The following SFSWAP variants were observed in gnomAD, a reference collection of about 807,000 sequenced individuals.
SFSWAP encodes splicing factor, suppressor of white-apricot homolog.
In SFSWAP, 17 loss-of-function variants were observed where a neutral mutation model predicts 100.7. The ratio of observed to expected loss-of-function variants is 0.17; its 90% confidence interval spans 0.12 to 0.25. The LOEUF (loss-of-function observed/expected upper bound fraction) is 0.25. SFSWAP is among the 10% of genes least tolerant of loss of function. The probability of loss-of-function intolerance (pLI) is 1.00; values close to 1 mark genes in which losing one functional copy is unlikely to be tolerated. For synonymous variants in SFSWAP, 504 were observed against 510.1 expected (o/e 0.99, Z 0.16); for missense variants, 1,005 against 1,262.6 (o/e 0.80, Z 3.09).
chr12:131,758,343 G>A (rs759564113), intron 11 of SFSWAP, among the ~76,000 whole-genome samples: 55 of 152,042 alleles, frequency 3.6e-4, no homozygotes, highest in African/African-American at 3.6e-4. Context: ...GAAGTTTACC[G>A]TCTACATCCA....
intron 17 of SFSWAP, 114 bp downstream of exon 17, chr12:131,799,223 T>C (rs1402173381): frequency 9.6e-7 from 1 of 1,046,498 alleles, no homozygotes; most frequent in East Asian, 2.5e-5. Context: ...GACAGGGATC[T>C]CGGGCAAAAT....
At chr12:131,750,864 A>G (rs1407912700) in intron 7 of SFSWAP, among the ~76,000 whole-genome samples, 1 of 150,406 alleles carries the variant, frequency 6.6e-6, no homozygotes, top group Non-Finnish European at 1.5e-5. Flanking sequence ...AGTTTATTTT[A>G]TTTTATTTTT....
At chr12:131,728,174 C>A in intron 6 of SFSWAP, 119 bp from the exon 7 acceptor site, 2 of 1,126,250 alleles carry the variant, frequency 1.8e-6, no homozygotes, top group African/African-American at 1.5e-5. Context: ...TGGGTGCGTG[C>A]ATGTGTGTGT....
intron 14 of SFSWAP, among the ~76,000 whole-genome samples, chr12:131,780,516 A>G (rs1298318578): frequency 1.3e-5 from 2 of 152,130 alleles, no homozygotes; most frequent in Non-Finnish European, 2.9e-5. Context: ...TTAGCCAGGC[A>G]TGGCAGTGGA....
chr12:131,797,233 G>A lies in SFSWAP; in HGVS notation c.2590G>A (p.Ala864Thr). The change falls in exon 16 of 18, where the codon GCC (alanine) becomes ACC (threonine). Residue 864 changes from alanine (A) to threonine (T), a missense_variant. Ala to Thr is a moderately conservative substitution (Grantham distance 58). Transcript: ENST00000261674. ...GTCCCGGTCGCGGACCAAGTCCAAG[G>A]CCAGGTCTCAGTCGGTGTCACCCAG... ...RRSRSRTKSK[A>T]RSQSVSPSKQ... is the part of the protein sequence containing the mutation. The A allele has an allele frequency of 6.2e-7, 1 of 1,612,474 alleles. No individual in the cohort carries two copies. Among genetic ancestry groups the A allele is most frequent in the South Asian group, 1.1e-5 (1 of 91,068 alleles).
chr12:131,713,031 C>G (rs1025405511), intron 1 of SFSWAP: 5 of 152,166 alleles, frequency 3.3e-5, no homozygotes, highest in Non-Finnish European at 5.9e-5. Context: ...AATGCAGTAA[C>G]TTGACTACCT....
At chr12:131,785,483 G>T in intron 14 of SFSWAP, 1 of 373,392 alleles carries the variant, frequency 2.7e-6, no homozygotes, top group Non-Finnish European at 4.8e-6. Context: ...TTTTGAATGA[G>T]TTGTCATGGA....
At chr12:131,770,796 G>C (rs1166830870) in intron 13 of SFSWAP, among the ~76,000 whole-genome samples, 1 of 152,120 alleles carries the variant, frequency 6.6e-6, no homozygotes, top group Non-Finnish European at 1.5e-5. Context: ...CCGTTCCCAG[G>C]ATGTCCATCT....
chr12:131,756,704 T>G, intron 11 of SFSWAP, 60 bp downstream of exon 11: 2 of 1,441,586 alleles, frequency 1.4e-6, no homozygotes, highest in Non-Finnish European at 1.9e-6. Context: ...AAGCGTAGGA[T>G]CCTCGGTGAC....
At chr12:131,780,529 C>G (rs1352540089) in intron 14 of SFSWAP, among the ~76,000 whole-genome samples, 1 of 152,056 alleles carries the variant, frequency 6.6e-6, no homozygotes, top group Non-Finnish European at 1.5e-5. Context: ...GCAGTGGATG[C>G]TTTGAACTCC....
intron 7 of SFSWAP, among the ~76,000 whole-genome samples, chr12:131,748,701 A>G (rs1881356827): frequency 6.6e-6 from 1 of 152,256 alleles, no homozygotes; most frequent in South Asian, 2.1e-4. Flanking sequence ...ACCTATGTTA[A>G]GTAGCTCTGC....
intron 7 of SFSWAP, among the ~76,000 whole-genome samples, chr12:131,732,153 G>A (rs1055209386): frequency 3.9e-5 from 6 of 151,962 alleles, no homozygotes; most frequent in Middle Eastern, 3.4e-3. Context: ...CAGGTGATCC[G>A]CCCACCTCAG....
At chr12:131,721,552 A>C (rs1878479055) in intron 4 of SFSWAP, among the ~76,000 whole-genome samples, 1 of 152,238 alleles carries the variant, frequency 6.6e-6, no homozygotes, top group Non-Finnish European at 1.5e-5. Flanking sequence ...TAAAAAGTTT[A>C]TATGAAGTTG....
In SFSWAP at chr12:131,734,966, G is replaced by A. The variant is rs1413214422; in HGVS notation, c.1081+6538G>A. On this transcript the variant is annotated intron_variant, in intron 7 of 17. Coordinates refer to ENST00000261674, the MANE Select transcript of SFSWAP (RefSeq NM_004592.4). The surrounding 1 kb of genome is among the most constrained non-coding windows in gnomAD (Gnocchi z 4.9). ...GAGACAGACAGGTCAGGCCGGAAGCGACTGTCCGTGAAGGTGACGCTCATA... is the reference window on the plus strand; with the variant it reads ...GAGACAGACAGGTCAGGCCGGAAGCAACTGTCCGTGAAGGTGACGCTCATA... Among the ~76,000 whole-genome samples the A allele has an allele frequency of 2.0e-5, 3 of 152,198 alleles. No individual in the cohort carries two copies. The highest frequency in any genetic ancestry group is 6.5e-5 in the Admixed American group (1 of 15,284).
intron 7 of SFSWAP, among the ~76,000 whole-genome samples, chr12:131,736,792 T>C (rs1253282422): frequency 6.6e-6 from 1 of 152,146 alleles, no homozygotes; most frequent in South Asian, 2.1e-4. Flanking sequence ...GGTAGCTTAA[T>C]AATAGAGATT....
chr12:131,793,039 G>A lies in SFSWAP; in HGVS notation c.2535-4139G>A, dbSNP rs1035171603. On this transcript the variant is annotated intron_variant, in intron 15 of 17. Transcript: ENST00000261674. ...AAAAAATTCCATACCCAAAGGGCAG[G>A]GGGCCGGGACCACAGCCACAGCGAT... 2.6e-5 allele frequency among the ~76,000 whole-genome samples: 4 copies of A among 152,186 alleles called. No homozygotes were observed. In the South Asian group the frequency reaches 6.2e-4, roughly 24 times the overall value.
intron 14 of SFSWAP, chr12:131,784,496 C>G (rs1435587836): frequency 6.6e-6 from 1 of 151,954 alleles, no homozygotes; most frequent in Non-Finnish European, 1.5e-5. Context: ...AAAAAAGTCT[C>G]ATTATGTTTC....
In SFSWAP at chr12:131,726,977, T is replaced by A. The variant is rs1566008860; in HGVS notation, c.870T>A (p.Asp290Glu). 3.1e-6 allele frequency: 5 copies of A among 1,606,350 alleles called. No individual in the cohort carries two copies. The highest frequency in any genetic ancestry group is 2.7e-5 in the African/African-American group (2 of 74,622). Residue 290 changes from aspartate (D) to glutamate (E), a missense_variant, in exon 6 of 18, where the codon GAT (aspartate) becomes GAA (glutamate). Physicochemically the swap from Asp to Glu is conservative, Grantham distance 45 (BLOSUM62 2). Transcript: ENST00000261674. The stretch of plus-strand genomic sequence containing the variant: ...GCTCTGACAATGAAGATGATGATGA[T>A]GAAGAAGATGGGAATTACCTTCATC... ...GVSSDNEDDD[D>E]EEDGNYLHPS...
intron 14 of SFSWAP, among the ~76,000 whole-genome samples, chr12:131,779,208 T>TGTGTATGAAGAGGGCGGCGCGGGTGAGC (rs71072791): frequency 0.17 from 10,553 of 63,892 alleles, 2,433 homozygotes; most frequent in East Asian, 0.44. Flanking sequence ...CGCGGATGAG[T>TGTGTATGAAGAGGGCGGCGCGGGTGAGC]GTGTGTGAAG....
Sources: gnomAD v4.1 joint callset for allele counts (sites outside exome capture counted in the v4.1 genomes callset) on GRCh38, gnomAD v4.1.1 for gene constraint, Gnocchi (gnomAD v3.1) non-coding constraint, MANE v1.5 for transcripts, NCBI Gene and HGNC (gene_info 2026-07-23, HGNC 2026-07-21) for gene names.